Variants in LIPT1 observed in about 807,000 individuals in gnomAD.
LIPT1 encodes lipoyltransferase 1, also known as lipoyl amidotransferase LIPT1, mitochondrial.
In LIPT1, 22 loss-of-function variants were observed where a neutral mutation model predicts 25.1. The ratio of observed to expected loss-of-function variants is 0.88; its 90% CI spans 0.63 to 1.25. The LOEUF is 1.25. Among genes scored for constraint, LIPT1 ranks in the 50% most tolerant of loss-of-function variants. The pLI, the probability that LIPT1 is intolerant of heterozygous loss-of-function variation, is 0.00. For missense variants in LIPT1, 399 were observed against 432.8 expected, an observed-to-expected ratio of 0.92 and a Z score of 0.69; for synonymous variants, 131 against 150.8, an observed-to-expected ratio of 0.87 and a Z score of 0.96.
Position 99,162,981 on chromosome 2 carries a change from A to C in LIPT1, c.1024A>C (p.Thr342Pro), listed in dbSNP as rs1294513791. Residue 342 changes from threonine (T) to proline (P), a missense_variant, in exon 2 of 2, where the codon ACC becomes CCC. By Grantham distance (38) the Thr-to-Pro change is conservative. Transcript: ENST00000651691. ...CAGTAAGTTTTGCCCAACTGAAACT[A>C]CCATGCTAACAAATATATTACTTAG... is the stretch of plus-strand genomic sequence containing the variant. ...IGSKFCPTET[T>P]MLTNILLRTC... The C allele has an allele frequency of 6.2e-7, 1 of 1,613,706 alleles. No homozygotes were observed. The highest frequency in any genetic ancestry group is 1.7e-5 in the Admixed American group (1 of 59,948).
At chr2:99,161,747 A>G (rs1299295250) in intron 1 of LIPT1, 2 of 470,684 alleles carry the variant, frequency 4.2e-6, no homozygotes, top group African/African-American at 2.0e-5. Flanking sequence ...AAATTATTTC[A>G]ACTGAAATTA....
intron 1 of LIPT1, among the ~76,000 whole-genome samples, chr2:99,156,066 ACT>A (rs1574799723): frequency 6.6e-6 from 1 of 151,700 alleles, no homozygotes; most frequent in Non-Finnish European, 1.5e-5. Context: ...ACTTTTTCTC[ACT>A]CTGTGTGATT....
chr2:99,163,024 A>T lies in LIPT1; in HGVS notation c.1067A>T (p.His356Leu), dbSNP rs1158316892. 1 of 1,596,566 alleles carries T rather than the reference A, an allele frequency of 6.3e-7. No homozygotes were observed. The highest frequency in any genetic ancestry group is 8.5e-7 in the Non-Finnish European group (1 of 1,173,284). ...NILLRTCPQD[H>L]KLNSKWNILC... ...TTACTTAGAACATGTCCACAAGACCACAAACTAAACAGTAAATGGAATATT... is the reference window on the plus strand; with the variant it reads ...TTACTTAGAACATGTCCACAAGACCTCAAACTAAACAGTAAATGGAATATT... The change falls in exon 2 of 2, where the codon CAC becomes CTC. Residue 356 changes from histidine to leucine, a missense_variant. Transcript: ENST00000651691.
intron 1 of LIPT1, 90 bp from the exon 2 acceptor site, chr2:99,161,867 G>C: frequency 8.3e-7 from 1 of 1,211,870 alleles, no homozygotes; most frequent in Non-Finnish European, 1.1e-6. Context: ...TTTAAGTTTG[G>C]ATTAAATAAC....
At chr2:99,158,325 C>T (rs969568776) in intron 1 of LIPT1, among the ~76,000 whole-genome samples, 1 of 151,558 alleles carries the variant, frequency 6.6e-6, no homozygotes, top group South Asian at 2.1e-4. Flanking sequence ...AAATCCAAAG[C>T]CTTCATGCCT....
chr2:99,160,184 A>G (rs567737845), intron 1 of LIPT1, among the ~76,000 whole-genome samples: 1 of 152,304 alleles, frequency 6.6e-6, no homozygotes, highest in Non-Finnish European at 1.5e-5. Flanking sequence ...AGGCAGGAGG[A>G]TCACTGAAGC....
Position 99,162,393 on chromosome 2 carries a change from G to A in LIPT1, c.436G>A (p.Val146Met), listed in dbSNP as rs888284409. The change falls in exon 2 of 2, where the codon GTG (valine) becomes ATG (methionine). Residue 146 changes from valine (V) to methionine (M), a missense_variant. Val to Met is a conservative substitution (Grantham distance 21, BLOSUM62 1). Transcript: ENST00000651691. ...GAATGCTGTCCAACCCCAGCTGGAT[G>A]TGCAGGCTACCAAAAGATTTGACCT... is the stretch of plus-strand genomic sequence containing the variant. ...ALNAVQPQLD[V>M]QATKRFDLLL... 45 of 1,613,898 alleles carry A rather than the reference G, an allele frequency of 2.8e-5. No homozygotes were observed. Among genetic ancestry groups the A allele is most frequent in the Non-Finnish European group, 3.8e-5 (45 of 1,180,024 alleles).
rs538070427 is a variant in LIPT1, at chr2:99,154,974, G to A, written c.-79G>A. 6.4e-4 allele frequency: 290 copies of A among 455,838 alleles called. 3 individuals are homozygous for A. The highest frequency in any genetic ancestry group is 5.5e-3 in the African/African-American group (275 of 50,202). The allele number at this position is 455,838 out of a possible 1,614,324, so 28.2% of individuals were successfully genotyped here. ...CGGGGCAGCATCGCGCGCAAGGCCT[G>A]CCGGTTGCTCGGGGTCGTATGACGC... On this transcript the variant is annotated 5_prime_UTR_variant, in exon 1 of 2. Coordinates refer to ENST00000651691, the MANE Select transcript of LIPT1 (RefSeq NM_145199.3).
At chr2:99,160,224 T>C (rs764924526) in intron 1 of LIPT1, among the ~76,000 whole-genome samples, 14 of 152,040 alleles carry the variant, frequency 9.2e-5, no homozygotes, top group Non-Finnish European at 1.9e-4. Flanking sequence ...CTAGGCAACG[T>C]AGGGAGACCC....
In LIPT1 at chr2:99,162,146, A is replaced by G. The variant is rs2093798375; in HGVS notation, c.189A>G (p.Leu63=). The G allele has an allele frequency of 6.2e-7, 1 of 1,614,086 alleles. No homozygotes were observed. ...TGAATCTAGAAGGCAAACCAATTCT[A>G]TTCTTTTGGCAGAATTCTCCCTCTG... ...DHMNLEGKPI[L]FFWQNSPSVV... The change falls in exon 2 of 2, where the codon CTA becomes CTG. Residue 63 remains leucine (L), a synonymous_variant. Transcript: ENST00000651691.
rs555184667 is a variant in LIPT1 at position 99,156,014 on chromosome 2, A to G, written c.-2+963A>G. Among the ~76,000 whole-genome samples the G allele has an allele frequency of 4.6e-5, 7 of 152,344 alleles. No individual in the cohort carries two copies. In the South Asian group the frequency reaches 1.2e-3, roughly 27 times the overall value. On this transcript the variant is annotated intron_variant, in intron 1 of 1. Transcript: ENST00000651691. ...GGTCTATAGTTCTCTTTGTAAATCA[A>G]TAAGCTGGCAGTCAGGGATTTTTGG...
rs766522720 is a variant in LIPT1 at position 99,162,892 on chromosome 2, T to C, written c.935T>C (p.Ile312Thr). ...AATGGAAGAATTGAAATTTGTAATA[T>C]TGAAGCACCTGATCATTGGTTGCCA... is the stretch of plus-strand genomic sequence containing the variant. The part of the protein sequence containing the change: ...IKNGRIEICN[I>T]EAPDHWLPLE... Residue 312 changes from isoleucine (I) to threonine (T), a missense_variant, in exon 2 of 2, where the codon ATT (isoleucine) becomes ACT (threonine). Coordinates refer to ENST00000651691, the MANE Select transcript of LIPT1 (RefSeq NM_145199.3). 23 of 1,613,002 alleles carry C rather than the reference T, an allele frequency of 1.4e-5. No homozygotes were observed. The Admixed American group carries it at 2.7e-4, about 19-fold the overall frequency.
intron 1 of LIPT1, chr2:99,155,665 C>T: frequency 5.0e-6 from 2 of 397,686 alleles, no homozygotes; most frequent in South Asian, 3.7e-5. Flanking sequence ...TTGACACTAT[C>T]CCAACGACTG....
chr2:99,159,309 T>C (rs1022187162), intron 1 of LIPT1, among the ~76,000 whole-genome samples: 2 of 152,222 alleles, frequency 1.3e-5, no homozygotes, highest in South Asian at 4.1e-4. Context: ...GTGATCCGCC[T>C]GCCTCGGCCT....
chr2:99,156,794 C>T (rs1313509106), intron 1 of LIPT1: 2 of 152,190 alleles, frequency 1.3e-5, no homozygotes, highest in Non-Finnish European at 2.9e-5. Context: ...AATTCTGGAA[C>T]CCTAACAAGA....
In LIPT1 at chr2:99,162,594, A is replaced by G. The variant is rs2093804679; in HGVS notation, c.637A>G (p.Lys213Glu). 1 of 1,614,016 alleles carries G rather than the reference A, an allele frequency of 6.2e-7. No homozygotes were observed. The highest frequency in any genetic ancestry group is 2.2e-5 in the East Asian group (1 of 44,896). ...CACTGCTAGCATACCTTCCTTAGTG[A>G]AAAATCTTTTGGAAAAGGATCCCAC... ...NATASIPSLV[K>E]NLLEKDPTLT... The change falls in exon 2 of 2, where the codon AAA becomes GAA. Residue 213 changes from lysine (K) to glutamate (E), a missense_variant. Coordinates refer to ENST00000651691, the MANE Select transcript of LIPT1 (RefSeq NM_145199.3).
At chr2:99,158,755 TCAGCTTCAATGTCA>T (rs888452002) in intron 1 of LIPT1, among the ~76,000 whole-genome samples, 1 of 152,216 alleles carries the variant, frequency 6.6e-6, no homozygotes, top group Non-Finnish European at 1.5e-5. Context: ...CTTTTATGTC[TCAGCTTCAATGTCA>T]CATCCACTAA....
In LIPT1 at chr2:99,155,049, C is replaced by G. The variant is rs1336790639; in HGVS notation, c.-4C>G. 2.2e-6 allele frequency: 1 copy of G among 455,764 alleles called. No homozygotes were observed. Among genetic ancestry groups the G allele is most frequent in the Non-Finnish European group, 4.4e-6 (1 of 226,690 alleles). 28.2% of individuals were successfully genotyped at this position (455,764 alleles called of 1,614,324 possible). ...AGGCCGTGGGTACGACCGGAAGCCG[C>G]AGGTGGGTGAAGCGGAAACGCTTCA... On this transcript the variant is annotated splice_region_variant and 5_prime_UTR_variant, in exon 1 of 2. Coordinates refer to ENST00000651691, the MANE Select transcript of LIPT1 (RefSeq NM_145199.3).
At chr2:99,160,657 T>C (rs912374484) in intron 1 of LIPT1, among the ~76,000 whole-genome samples, 1 of 152,192 alleles carries the variant, frequency 6.6e-6, no homozygotes, top group African/African-American at 2.4e-5. Flanking sequence ...CATCCAAACA[T>C]AGTGAATTTA....
Sources: allele counts gnomAD v4.1 joint callset (sites outside exome capture counted in the v4.1 genomes callset), GRCh38; gene constraint gnomAD v4.1.1; transcripts MANE v1.5; gene names NCBI Gene and HGNC (gene_info 2026-07-23, HGNC 2026-07-21).